AKAP7: variants seen among roughly 807,000 people sequenced by gnomAD.
AKAP7 encodes the protein A kinase (PRKA) anchor protein 7.
AKAP7 carries 39 observed loss-of-function variants against 39.5 expected under a neutral mutation model. The ratio of observed to expected loss-of-function variants is 0.99; its 90% confidence interval spans 0.76 to 1.29. The LOEUF (loss-of-function observed/expected upper bound fraction) is 1.29, where lower values mean the gene tolerates loss of function less well. Among genes scored for constraint, AKAP7 ranks in the 50% most tolerant of loss-of-function variants. The pLI is 0.00. For synonymous variants in AKAP7, 140 were observed against 139.1 expected, an observed-to-expected ratio of 1.01 and a Z score of -0.05; for missense variants, 414 against 407.7, an observed-to-expected ratio of 1.02 and a Z score of -0.13.
intron 5 of AKAP7, among the ~76,000 whole-genome samples, chr6:131,174,694 A>C (rs1437838786): frequency 6.6e-6 from 1 of 152,244 alleles, no homozygotes; most frequent in Non-Finnish European, 1.5e-5. Context: ...TGTTTGTTCA[A>C]ATGATATATT....
chr6:131,213,389 A>G (rs555500726), intron 6 of AKAP7, among the ~76,000 whole-genome samples: 14 of 152,374 alleles, frequency 9.2e-5, no homozygotes, highest in Non-Finnish European at 1.8e-4. Flanking sequence ...CATTGAAAGA[A>G]GGAAACATAA....
At chr6:131,196,267 C>CTTTTT (rs199967369) in intron 5 of AKAP7, among the ~76,000 whole-genome samples, 1 of 133,936 alleles carries the variant, frequency 7.5e-6, no homozygotes, top group Admixed American at 7.5e-5. Flanking sequence ...ATGTCAGTTG[C>CTTTTT]TTTTTTTTTT....
intron 5 of AKAP7, among the ~76,000 whole-genome samples, chr6:131,181,399 G>GT (rs925655428): frequency 6.6e-6 from 1 of 152,068 alleles, no homozygotes; most frequent in African/African-American, 2.4e-5. Context: ...ACTCCCATTC[G>GT]TTCCCTACTT....
chr6:131,235,149 C>A (rs1196972147), intron 7 of AKAP7, among the ~76,000 whole-genome samples: 1 of 152,064 alleles, frequency 6.6e-6, no homozygotes, highest in Non-Finnish European at 1.5e-5. Context: ...TGAATGAGAA[C>A]CTGCGGTGTT....
At chr6:131,242,504 A>T (rs1053989990) in intron 7 of AKAP7, among the ~76,000 whole-genome samples, 1 of 149,310 alleles carries the variant, frequency 6.7e-6, no homozygotes, top group Non-Finnish European at 1.5e-5. Flanking sequence ...ATATATAATT[A>T]TATATATATA....
At chr6:131,210,194 G>A (rs1199421611) in intron 6 of AKAP7, among the ~76,000 whole-genome samples, 1 of 152,174 alleles carries the variant, frequency 6.6e-6, no homozygotes, top group East Asian at 1.9e-4. Context: ...CATATGAGCT[G>A]GTTTATTTTG....
rs185773508 is a variant in AKAP7, at chr6:131,267,574, G to A, written c.851-13956G>A. 2.6e-3 allele frequency among the ~76,000 whole-genome samples: 397 copies of A among 152,178 alleles called. 2 individuals are homozygous for A. Among genetic ancestry groups the A allele is most frequent in the African/African-American group, 8.9e-3 (368 of 41,510 alleles). ...CCTTCAGGGTCTCTCCCTTGCATAA[G>A]TTTCCAGGCTCATCATTCTCCTCCC... On this transcript the variant is annotated intron_variant, in intron 7 of 7. Transcript: ENST00000431975.
At chr6:131,185,187 G>A (rs1335595451) in intron 5 of AKAP7, 6 of 500,766 alleles carry the variant, frequency 1.2e-5, no homozygotes, top group African/African-American at 2.0e-5. Flanking sequence ...GGTGGGGTCT[G>A]TGTCTGGCTT....
At chr6:131,199,692 A>G in intron 6 of AKAP7, 119 bp downstream of exon 6, 1 of 860,354 alleles carries the variant, frequency 1.2e-6, no homozygotes, top group Admixed American at 2.4e-5. Context: ...TGGGTTTCCA[A>G]GTCAGGTTGG....
At chr6:131,131,852 A>G (rs1800336245), upstream of AKAP7, among the ~76,000 whole-genome samples, 1 of 152,160 alleles carries the variant, frequency 6.6e-6, no homozygotes, top group East Asian at 1.9e-4. Flanking sequence ...GGACAGTTCA[A>G]TGTACTGATG....
chr6:131,190,374 C>T (rs1031062893), intron 5 of AKAP7, among the ~76,000 whole-genome samples: 1 of 152,052 alleles, frequency 6.6e-6, no homozygotes, highest in African/African-American at 2.4e-5. Flanking sequence ...CGCGGTGGCT[C>T]ATGACTGTAA....
chr6:131,214,815 AT>A (rs988072704), intron 6 of AKAP7, among the ~76,000 whole-genome samples: 2 of 152,200 alleles, frequency 1.3e-5, no homozygotes, highest in South Asian at 2.1e-4. Context: ...AATGATTAAT[AT>A]TCTTAGAATT....
chr6:131,129,541 CAT>C, the AKAP7 span, among the ~76,000 whole-genome samples: 2 of 151,862 alleles, frequency 1.3e-5, no homozygotes, highest in Non-Finnish European at 2.9e-5. Flanking sequence ...TTAAAAATAT[CAT>C]AAAACAACAT....
intron 5 of AKAP7, among the ~76,000 whole-genome samples, chr6:131,173,275 G>GT (rs1006880910): frequency 6.6e-6 from 1 of 151,488 alleles, no homozygotes; most frequent in Non-Finnish European, 1.5e-5. Flanking sequence ...TGAACATGTT[G>GT]TTTTTTACCT....
At chr6:131,260,387 T>G (rs1439834316) in intron 7 of AKAP7, among the ~76,000 whole-genome samples, 2 of 152,204 alleles carry the variant, frequency 1.3e-5, no homozygotes, top group Non-Finnish European at 2.9e-5. Context: ...CACACTGTCT[T>G]CCACAGTGGT....
chr6:131,164,897 T>C (rs1030785516), intron 3 of AKAP7, among the ~76,000 whole-genome samples, 184 bp from the exon 4 acceptor site: 2 of 152,248 alleles, frequency 1.3e-5, no homozygotes, highest in African/African-American at 2.4e-5. Context: ...CCTTTTAAGC[T>C]GTCCCAGTCA....
At chr6:131,241,606 T>TATATATAC (rs1562238020) in intron 7 of AKAP7, among the ~76,000 whole-genome samples, 24 of 139,564 alleles carry the variant, frequency 1.7e-4, no homozygotes, top group Non-Finnish European at 2.6e-4. Context: ...TGTGTGTGTG[T>TATATATAC]GTGTGTGTGT....
intron 5 of AKAP7, chr6:131,184,323 T>C: frequency 3.2e-6 from 2 of 626,616 alleles, no homozygotes; most frequent in South Asian, 1.4e-5. Context: ...GGGGTGGCTA[T>C]ATCAAGAGGA....
chr6:131,141,671 T>G (rs615376), intron 1 of AKAP7, among the ~76,000 whole-genome samples: 39,979 of 151,950 alleles, frequency 0.26, 5,617 homozygotes, highest in Middle Eastern at 0.33. Context: ...TAAAGACTGG[T>G]TAAGTGGTTG....
Sources: gnomAD v4.1 joint callset for allele counts (sites outside exome capture counted in the v4.1 genomes callset) on GRCh38, gnomAD v4.1.1 for gene constraint, MANE v1.5 for transcripts, NCBI Gene and HGNC (gene_info 2026-07-23, HGNC 2026-07-21) for gene names.